NAALADL2: variants seen among roughly 807,000 people sequenced by gnomAD.
NAALADL2 encodes the protein N-acetylated alpha-linked acidic dipeptidase like 2.
NAALADL2 carries 76 observed loss-of-function variants against 87.2 expected under a neutral mutation model. The observed-to-expected ratio is 0.87, with a 90% confidence interval of 0.72 to 1.05. NAALADL2 has a LOEUF of 1.05. Ranked by LOEUF, NAALADL2 falls within the 50% of genes least tolerant of loss-of-function variation. The pLI, the probability that NAALADL2 is intolerant of heterozygous loss-of-function variation, is 0.00. For synonymous variants in NAALADL2, 354 were observed against 331.0 expected (o/e 1.07, Z -0.75); for missense variants, 1,089 against 945.8 (o/e 1.15, Z -1.99).
At chr3:175,176,174 C>CT (rs1304663859) in intron 2 of NAALADL2, among the ~76,000 whole-genome samples, 1 of 152,032 alleles carries the variant, frequency 6.6e-6, no homozygotes, top group Non-Finnish European at 1.5e-5. Flanking sequence ...AGCTGTAACT[C>CT]TATTTCCCGC....
chr3:174,611,823 C>T (rs1719923990), intron 2 of NAALADL2, among the ~76,000 whole-genome samples: 5 of 151,928 alleles, frequency 3.3e-5, no homozygotes, highest in Admixed American at 3.3e-4. Flanking sequence ...TCTCAAACTC[C>T]TGACCTTGTG....
intron 1 of NAALADL2, among the ~76,000 whole-genome samples, chr3:175,069,570 T>A (rs1188351550): frequency 0.026 from 3,832 of 150,080 alleles, 153 homozygotes; most frequent in African/African-American, 0.091. Flanking sequence ...GGTGGGACTG[T>A]AAACTAGTTC....
At chr3:175,788,632 C>G (rs1373007550) in intron 13 of NAALADL2, among the ~76,000 whole-genome samples, 1 of 152,052 alleles carries the variant, frequency 6.6e-6, no homozygotes, top group African/African-American at 2.4e-5. Flanking sequence ...ATAATGAAAT[C>G]ATATAATGAT....
chr3:174,688,366 AATTATC>A (rs1728237827), intron 2 of NAALADL2, among the ~76,000 whole-genome samples: 1 of 151,910 alleles, frequency 6.6e-6, no homozygotes, highest in African/African-American at 2.4e-5. Context: ...TTATTATTAG[AATTATC>A]ATTAGAAATT....
chr3:174,853,201 C>CAAAAAAAAAAAAAA (rs34303846), intron 3 of NAALADL2, among the ~76,000 whole-genome samples: 2 of 45,624 alleles, frequency 4.4e-5, no homozygotes, highest in Non-Finnish European at 7.7e-5. Context: ...CCGTCTCTAC[C>CAAAAAAAAAAAAAA]AAAAAAAAAA....
chr3:174,757,026 G>A (rs535953381), intron 3 of NAALADL2, among the ~76,000 whole-genome samples: 9 of 152,130 alleles, frequency 5.9e-5, no homozygotes, highest in Non-Finnish European at 8.8e-5. Context: ...TTCCATTTTA[G>A]CATTAATTGC....
intron 9 of NAALADL2, among the ~76,000 whole-genome samples, chr3:175,534,680 G>A: frequency 6.7e-6 from 1 of 148,658 alleles, no homozygotes; most frequent in African/African-American, 2.5e-5. Context: ...CCAATTAACA[G>A]AAAACACAAT....
At chr3:175,437,489 T>C (rs1197005602) in intron 5 of NAALADL2, among the ~76,000 whole-genome samples, 1 of 137,926 alleles carries the variant, frequency 7.3e-6, no homozygotes, top group African/African-American at 2.7e-5. Flanking sequence ...TGCTCATGGG[T>C]AGGAAGAATC....
chr3:175,324,707 A>G (rs1247194974), intron 5 of NAALADL2, among the ~76,000 whole-genome samples: 4 of 152,196 alleles, frequency 2.6e-5, no homozygotes, highest in Admixed American at 2.0e-4. Context: ...AGCTGTAATA[A>G]CTTTAAGTCC....
intron 10 of NAALADL2, among the ~76,000 whole-genome samples, chr3:175,604,654 C>T (rs1457542657): frequency 2.0e-5 from 3 of 151,966 alleles, no homozygotes; most frequent in Non-Finnish European, 2.9e-5. Flanking sequence ...ATAAAATAGT[C>T]CTCATTTTGG....
At chr3:175,543,415 G>A (rs1337517829) in intron 9 of NAALADL2, among the ~76,000 whole-genome samples, 1 of 152,094 alleles carries the variant, frequency 6.6e-6, no homozygotes, top group Non-Finnish European at 1.5e-5. Context: ...TAAAGACAAT[G>A]TACCAGGTGT....
intron 12 of NAALADL2, among the ~76,000 whole-genome samples, chr3:175,753,540 T>C (rs556447008): frequency 5.1e-4 from 77 of 152,134 alleles, no homozygotes; most frequent in Admixed American, 2.1e-3. Context: ...ATTTTAGAGG[T>C]TGGCAATTCT....
chr3:174,960,195 G>T (rs1180462862), intron 1 of NAALADL2, among the ~76,000 whole-genome samples: 1 of 152,010 alleles, frequency 6.6e-6, no homozygotes, highest in East Asian at 1.9e-4. Flanking sequence ...CTTTAATAAG[G>T]TGCTAAACTA....
chr3:174,669,744 T>A (rs577144373), intron 2 of NAALADL2, among the ~76,000 whole-genome samples: 1 of 152,234 alleles, frequency 6.6e-6, no homozygotes, highest in African/African-American at 2.4e-5. Context: ...TACATATGAA[T>A]TGTAGGATTT....
chr3:175,223,359 T>A (rs969537161), intron 2 of NAALADL2, among the ~76,000 whole-genome samples: 2 of 151,884 alleles, frequency 1.3e-5, no homozygotes, highest in Admixed American at 6.6e-5. Context: ...TTTTTTCATT[T>A]CACATAATTG....
chr3:175,734,958 G>A (rs534177309), intron 11 of NAALADL2, among the ~76,000 whole-genome samples: 2 of 152,288 alleles, frequency 1.3e-5, no homozygotes, highest in Admixed American at 6.5e-5. Context: ...CATAGAGAAT[G>A]AGATTTTCTT....
chr3:174,631,666 T>A (rs961955928), intron 2 of NAALADL2, among the ~76,000 whole-genome samples: 23 of 152,228 alleles, frequency 1.5e-4, no homozygotes, highest in Non-Finnish European at 8.8e-5. Flanking sequence ...AGAGTGGCTA[T>A]GTGTACTATT....
At chr3:174,595,750 C>T (rs563447346) in intron 2 of NAALADL2, among the ~76,000 whole-genome samples, 30 of 152,190 alleles carry the variant, frequency 2.0e-4, no homozygotes, top group Non-Finnish European at 3.4e-4. Context: ...GTGGCTCATG[C>T]CTGTAATCCC....
rs1021358087 is a variant in NAALADL2 at position 175,297,183 on chromosome 3, C to G, written c.940-26992C>G. On this transcript the variant is annotated intron_variant, in intron 4 of 13. Transcript: ENST00000454872. ...TAGCCTGCAAGGCCTAAAATATTTA[C>G]TATCTGGCCCTTGAAAGAAAAGGTT... 2.6e-5 allele frequency among the ~76,000 whole-genome samples: 4 copies of G among 152,282 alleles called. 1 individual carries two copies. Among genetic ancestry groups the G allele is most frequent in the African/African-American group, 9.6e-5 (4 of 41,576 alleles).
Sources: allele counts gnomAD v4.1 joint callset (sites outside exome capture counted in the v4.1 genomes callset), GRCh38; gene constraint gnomAD v4.1.1; transcripts MANE v1.5; gene names NCBI Gene and HGNC (gene_info 2026-07-23, HGNC 2026-07-21).